STOX2: variants seen among roughly 807,000 people sequenced by gnomAD.
The protein encoded by STOX2 is storkhead-box protein 2.
Under a neutral mutation model 60.9 loss-of-function variants are expected in STOX2, and 28 were observed. The ratio of observed to expected loss-of-function variants is 0.46; its 90% CI spans 0.34 to 0.63. STOX2 has a LOEUF of 0.63. Among genes scored for constraint, STOX2 ranks in the 30% least tolerant of loss-of-function variants. The pLI is 0.01. For missense variants in STOX2, 1,024 were observed against 1,187.7 expected, an observed-to-expected ratio of 0.86 and a Z score of 2.03; for synonymous variants, 472 against 463.9, an observed-to-expected ratio of 1.02 and a Z score of -0.22.
chr4:183,813,878 G>C (rs1739093969), intron 1 of STOX2, among the ~76,000 whole-genome samples: 1 of 152,166 alleles, frequency 6.6e-6, no homozygotes, highest in African/African-American at 2.4e-5. Context: ...GAAATTATAA[G>C]TTGAAAAAAC....
intron 1 of STOX2, among the ~76,000 whole-genome samples, chr4:183,907,574 TG>T (rs1741656356): frequency 1.3e-5 from 2 of 152,198 alleles, no homozygotes; most frequent in Non-Finnish European, 2.9e-5. Flanking sequence ...ATGGAAAGAA[TG>T]GAGGCTGTAT....
chr4:183,997,787 A>T (rs907593761), intron 1 of STOX2, among the ~76,000 whole-genome samples: 18 of 152,184 alleles, frequency 1.2e-4, no homozygotes, highest in African/African-American at 4.1e-4. Flanking sequence ...AGAACATCCA[A>T]ATTCCATTTT....
intron 1 of STOX2, among the ~76,000 whole-genome samples, chr4:183,814,043 TAG>T (rs1409701981): frequency 2.6e-5 from 4 of 152,224 alleles, no homozygotes; most frequent in African/African-American, 4.8e-5. Context: ...GTCCTAGAAA[TAG>T]AGTTACTGCA....
chr4:183,920,186 G>T (rs1742063261), intron 1 of STOX2, among the ~76,000 whole-genome samples: 1 of 152,042 alleles, frequency 6.6e-6, no homozygotes, highest in Non-Finnish European at 1.5e-5. Flanking sequence ...CACCATCTCG[G>T]CTCACTGCAA....
intron 1 of STOX2, among the ~76,000 whole-genome samples, chr4:183,834,094 A>G (rs1451298523): frequency 6.8e-6 from 1 of 146,890 alleles, no homozygotes; most frequent in Non-Finnish European, 1.5e-5. Context: ...GATCTCTTCA[A>G]GCCTCAGCTT....
chr4:183,948,746 G>A (rs1742979224), intron 1 of STOX2, among the ~76,000 whole-genome samples: 1 of 151,764 alleles, frequency 6.6e-6, no homozygotes, highest in South Asian at 2.1e-4. Flanking sequence ...TAGTCAGGCT[G>A]GTCTCAAACT....
chr4:184,001,724 C>G lies in STOX2; in HGVS notation c.319+247C>G, dbSNP rs1733603783. Among the ~76,000 whole-genome samples the G allele has an allele frequency of 6.6e-6, 1 of 151,772 alleles. No individual in the cohort carries two copies. On this transcript the variant is annotated intron_variant, in intron 2 of 3. Coordinates refer to ENST00000308497, the MANE Select transcript of STOX2 (RefSeq NM_020225.3). The surrounding 1 kb of genome is among the most constrained non-coding windows in gnomAD (Gnocchi z 4.2). The stretch of plus-strand genomic sequence containing the variant: ...GAGAGGAAGAAATTAATTCAGAATC[C>G]ATGAAGAATCTGGCAAGAATGACCA...
intron 1 of STOX2, among the ~76,000 whole-genome samples, chr4:183,962,367 A>T (rs1013552780): frequency 6.6e-6 from 1 of 152,132 alleles, no homozygotes; most frequent in Non-Finnish European, 1.5e-5. Context: ...TATTTAGGTG[A>T]TTTAGTATGT....
At chr4:183,803,145 C>G (rs961379703) in intron 1 of STOX2, among the ~76,000 whole-genome samples, 6 of 152,136 alleles carry the variant, frequency 3.9e-5, no homozygotes, top group Admixed American at 1.3e-4. Flanking sequence ...TCTCGTGAAA[C>G]CCATTCACTA....
intron 1 of STOX2, among the ~76,000 whole-genome samples, chr4:183,810,568 T>C (rs1739012028): frequency 6.6e-6 from 1 of 152,188 alleles, no homozygotes; most frequent in Admixed American, 6.5e-5. Context: ...CCAAAGTTCG[T>C]ATCTTGGAAT....
In STOX2 at chr4:184,011,377, A is replaced by T; in HGVS notation, c.2539A>T (p.Met847Leu). The T allele has an allele frequency of 6.2e-7, 1 of 1,613,684 alleles. No individual in the cohort carries two copies. The highest frequency in any genetic ancestry group is 2.2e-5 in the East Asian group (1 of 44,880). ...RATHSARLDS[M>L]DSSSITVDSG... Reference sequence around the variant, plus strand: ...CACCCATTCAGCCCGGCTCGACAGCATGGACAGCAGCAGCATCACAGTGGA... The same window carrying T: ...CACCCATTCAGCCCGGCTCGACAGCTTGGACAGCAGCAGCATCACAGTGGA... Residue 847 changes from methionine (M) to leucine (L), a missense_variant, in exon 3 of 4, where the codon ATG becomes TTG. Around this residue, in one of 3 missense-constraint regions of STOX2, gnomAD observed 922 missense variants for 1,058.3 expected, o/e 0.87. Coordinates refer to ENST00000308497, the MANE Select transcript of STOX2 (RefSeq NM_020225.3). The surrounding 1 kb of genome is among the most constrained non-coding windows in gnomAD (Gnocchi z 4.4).
In STOX2 at chr4:183,920,855, T is replaced by C. The variant is rs144747183; in HGVS notation, c.166+13899T>C. 5.5e-3 allele frequency among the ~76,000 whole-genome samples: 838 copies of C among 152,320 alleles called. 5 individuals are homozygous for C. Among genetic ancestry groups the C allele is most frequent in the African/African-American group, 0.019 (789 of 41,562 alleles). On this transcript the variant is annotated intron_variant, in intron 1 of 3. Transcript: ENST00000308497. ...GAACATCCCTGATTCCTGGAGAAGA[T>C]GAGATAGCTGGGACCAAACAACTCC...
In STOX2 at chr4:183,947,316, G is replaced by A. The variant is rs116932273; in HGVS notation, c.166+40360G>A. ...TATTTTTTTCCGCATAGTTTTGATC[G>A]TTGGTTGGCTGGATATGGAGCTCGC... On this transcript the variant is annotated intron_variant, in intron 1 of 3. Transcript: ENST00000308497. 2.2e-3 allele frequency among the ~76,000 whole-genome samples: 335 copies of A among 151,952 alleles called. 9 individuals carry two copies. The East Asian group carries it at 0.043, about 19-fold the overall frequency.
intron 1 of STOX2, among the ~76,000 whole-genome samples, chr4:183,887,607 A>G (rs1182897016): frequency 2.6e-5 from 4 of 152,202 alleles, no homozygotes; most frequent in African/African-American, 9.7e-5. Flanking sequence ...ACATTAGGAG[A>G]GAGCTCTGTT....
chr4:183,844,285 T>C (rs1437218510), intron 1 of STOX2, among the ~76,000 whole-genome samples: 1 of 152,154 alleles, frequency 6.6e-6, no homozygotes, highest in Non-Finnish European at 1.5e-5. Context: ...AAAGCAACAA[T>C]TGTTTTCCTA....
At chr4:183,892,085 C>G (rs1253383476) in intron 1 of STOX2, among the ~76,000 whole-genome samples, 1 of 152,252 alleles carries the variant, frequency 6.6e-6, no homozygotes, top group Non-Finnish European at 1.5e-5. Context: ...CTGAGCTATA[C>G]TGTTTTAGTA....
intron 1 of STOX2, among the ~76,000 whole-genome samples, chr4:183,972,868 T>G (rs1434717000): frequency 6.6e-6 from 1 of 152,204 alleles, no homozygotes; most frequent in Non-Finnish European, 1.5e-5. Flanking sequence ...GTTATTCTAA[T>G]CATGGCCCCA....
intron 1 of STOX2, among the ~76,000 whole-genome samples, chr4:183,841,096 G>T (rs778143077): frequency 3.3e-5 from 5 of 152,196 alleles, no homozygotes; most frequent in Admixed American, 6.5e-5. Context: ...TCAAATTCTT[G>T]GGCTCAAGTG....
chr4:183,947,876 A>T (rs1207598569), intron 1 of STOX2, among the ~76,000 whole-genome samples: 2 of 152,184 alleles, frequency 1.3e-5, no homozygotes, highest in Non-Finnish European at 2.9e-5. Flanking sequence ...ATGCTGTGCT[A>T]TCCTAAGTTG....
Sources: allele counts gnomAD v4.1 joint callset (sites outside exome capture counted in the v4.1 genomes callset), GRCh38; gene constraint gnomAD v4.1.1; regional missense constraint gnomAD v4.1.1; non-coding constraint Gnocchi (gnomAD v3.1); transcripts MANE v1.5; gene names NCBI Gene and HGNC (gene_info 2026-07-23, HGNC 2026-07-21).